The following RSRC1 variants were observed in gnomAD, a reference collection of about 807,000 sequenced individuals.
RSRC1 encodes the protein arginine and serine rich coiled-coil 1.
A neutral mutation model predicts 49.1 loss-of-function variants in RSRC1; 39 were observed. The ratio of observed to expected loss-of-function variants is 0.79; its 90% CI spans 0.61 to 1.04. RSRC1 has a LOEUF of 1.04. Ranked by LOEUF, RSRC1 falls within the 50% of genes least tolerant of loss-of-function variation. RSRC1 has a pLI of 0.00. For missense variants in RSRC1, 388 were observed against 402.4 expected, an observed-to-expected ratio of 0.96 and a Z score of 0.31; for synonymous variants, 143 against 130.8, an observed-to-expected ratio of 1.09 and a Z score of -0.63.
intron 6 of RSRC1, among the ~76,000 whole-genome samples, chr3:158,376,970 A>G (rs1732411896): frequency 6.6e-6 from 1 of 152,198 alleles, no homozygotes; most frequent in Non-Finnish European, 1.5e-5. Context: ...TATATAAAAT[A>G]TCAGTTAGGT....
At chr3:158,537,037 A>C in intron 7 of RSRC1, 55 bp from the exon 8 acceptor site, 1 of 1,005,406 alleles carries the variant, frequency 9.9e-7, no homozygotes, top group East Asian at 2.4e-5. Context: ...GCTTAGGTGT[A>C]GTGTTATTAA....
chr3:158,436,655 A>G (rs1736057614), intron 6 of RSRC1, among the ~76,000 whole-genome samples: 1 of 151,978 alleles, frequency 6.6e-6, no homozygotes, highest in Non-Finnish European at 1.5e-5. Context: ...TTTTAAGTGT[A>G]CAAATTATAT....
chr3:158,417,359 A>C (rs1377680557), intron 6 of RSRC1, among the ~76,000 whole-genome samples: 4 of 152,046 alleles, frequency 2.6e-5, no homozygotes, highest in Admixed American at 2.6e-4. Context: ...ATGTTAGAGA[A>C]ATCTCTGCTT....
At chr3:158,195,986 T>C (rs1303047898) in intron 3 of RSRC1, among the ~76,000 whole-genome samples, 2 of 152,130 alleles carry the variant, frequency 1.3e-5, no homozygotes, top group Non-Finnish European at 2.9e-5. Flanking sequence ...TGCGGGCTCT[T>C]TTTTGGTTCC....
At chr3:158,172,771 T>C (rs889389088) in intron 3 of RSRC1, among the ~76,000 whole-genome samples, 26 of 152,172 alleles carry the variant, frequency 1.7e-4, no homozygotes, top group Non-Finnish European at 3.1e-4. Flanking sequence ...TATTTAAAAA[T>C]TCATTGTTAA....
intron 5 of RSRC1, among the ~76,000 whole-genome samples, chr3:158,327,349 G>T (rs1379172085): frequency 6.6e-6 from 1 of 152,080 alleles, no homozygotes; most frequent in African/African-American, 2.4e-5. Flanking sequence ...GATCTTTCCT[G>T]CTGTCTCTTG....
At chr3:158,445,579 A>G (rs980669331) in intron 6 of RSRC1, among the ~76,000 whole-genome samples, 1 of 152,100 alleles carries the variant, frequency 6.6e-6, no homozygotes, top group Non-Finnish European at 1.5e-5. Context: ...GGTGCGGCAC[A>G]CCAACATGGC....
At chr3:158,154,169 G>A (rs544541162) in intron 3 of RSRC1, among the ~76,000 whole-genome samples, 169 of 94,190 alleles carry the variant, frequency 1.8e-3, no homozygotes, top group Middle Eastern at 6.3e-3. Context: ...TGTTAAGTAT[G>A]TAATAGCATT....
chr3:158,454,797 A>G (rs373563200), intron 6 of RSRC1, among the ~76,000 whole-genome samples: 2 of 152,028 alleles, frequency 1.3e-5, no homozygotes, highest in Non-Finnish European at 2.9e-5. Flanking sequence ...ATATTTGACA[A>G]TCCCTGTAAT....
At chr3:158,124,581 C>T (rs1035779068) in intron 3 of RSRC1, among the ~76,000 whole-genome samples, 4 of 152,126 alleles carry the variant, frequency 2.6e-5, no homozygotes, top group African/African-American at 9.7e-5. Context: ...TTTTTGCTTA[C>T]TGATTCAATC....
intron 4 of RSRC1, among the ~76,000 whole-genome samples, chr3:158,245,836 G>T (rs571604139): frequency 2.0e-5 from 3 of 152,194 alleles, no homozygotes; most frequent in African/African-American, 7.2e-5. Context: ...TATGATCTTT[G>T]TTGGTTTAAA....
intron 6 of RSRC1, among the ~76,000 whole-genome samples, chr3:158,426,381 A>G (rs1735443412): frequency 6.6e-6 from 1 of 151,564 alleles, no homozygotes; most frequent in Non-Finnish European, 1.5e-5. Context: ...GAAAAAAAAA[A>G]TCTTAGAGGA....
chr3:158,480,380 CATTT>C lies in RSRC1; in HGVS notation c.652+19379_652+19382del, dbSNP rs573111390. Among the ~76,000 whole-genome samples the C allele has an allele frequency of 1.8e-4, 28 of 151,962 alleles. No homozygotes were observed. In the East Asian group the frequency reaches 3.1e-3, roughly 17 times the overall value. ...TTTTTTCAGTTATTTAGTCTTTAAT[CATTT>C]AATTAATCTATAATTTATTTAAAGT... On this transcript the variant is annotated intron_variant, in intron 7 of 9. Coordinates refer to ENST00000611884, the MANE Select transcript of RSRC1 (RefSeq NM_001271838.2).
intron 7 of RSRC1, among the ~76,000 whole-genome samples, chr3:158,515,581 A>G (rs1740472007): frequency 7.6e-6 from 1 of 132,440 alleles, no homozygotes; most frequent in East Asian, 2.1e-4. Context: ...TGTGTCTTGG[A>G]GTTGCTCTTC....
intron 1 of RSRC1, among the ~76,000 whole-genome samples, chr3:158,115,845 G>A (rs574211380): frequency 6.6e-6 from 1 of 152,168 alleles, no homozygotes; most frequent in Non-Finnish European, 1.5e-5. Flanking sequence ...TATGTCTTTC[G>A]TATTACACCA....
At chr3:158,287,312 A>G (rs1460909277) in intron 4 of RSRC1, among the ~76,000 whole-genome samples, 1 of 152,184 alleles carries the variant, frequency 6.6e-6, no homozygotes, top group Non-Finnish European at 1.5e-5. Context: ...TTATAATTGT[A>G]ATGTGAATTT....
At chr3:158,173,518 T>C (rs1290161517) in intron 3 of RSRC1, among the ~76,000 whole-genome samples, 1 of 152,036 alleles carries the variant, frequency 6.6e-6, no homozygotes, top group Non-Finnish European at 1.5e-5. Flanking sequence ...CATATTTATG[T>C]ATGTATATAT....
At chr3:158,402,957 G>A (rs1190649677) in intron 6 of RSRC1, among the ~76,000 whole-genome samples, 1 of 150,686 alleles carries the variant, frequency 6.6e-6, no homozygotes, top group African/African-American at 2.4e-5. Flanking sequence ...TCAGCTGTTT[G>A]TAGGTGATTT....
intron 4 of RSRC1, among the ~76,000 whole-genome samples, chr3:158,257,445 T>C (rs1458572676): frequency 2.0e-5 from 3 of 152,208 alleles, no homozygotes; most frequent in Non-Finnish European, 1.5e-5. Flanking sequence ...TTGTCTGATA[T>C]ACATATGGTT....
Sources: allele counts gnomAD v4.1 joint callset (sites outside exome capture counted in the v4.1 genomes callset), GRCh38; gene constraint gnomAD v4.1.1; transcripts MANE v1.5; gene names NCBI Gene and HGNC (gene_info 2026-07-23, HGNC 2026-07-21).